Variants in DDX56 observed in about 807,000 individuals in gnomAD.
DDX56 encodes the protein DEAD-box helicase 56.
A neutral mutation model predicts 61.5 loss-of-function variants in DDX56; 45 were observed. The ratio of observed to expected loss-of-function variants is 0.73; its 90% CI spans 0.58 to 0.94. The LOEUF (loss-of-function observed/expected upper bound fraction) is 0.94, where lower values mean the gene tolerates loss of function less well. Among genes scored for constraint, DDX56 ranks in the 40% least tolerant of loss-of-function variants. The pLI is 0.00. For synonymous variants in DDX56, 273 were observed against 268.3 expected, an observed-to-expected ratio of 1.02 and a Z score of -0.17; for missense variants, 708 against 690.7, an observed-to-expected ratio of 1.02 and a Z score of -0.28.
At chr7:44,571,913 T>C (rs1414495728) in intron 5 of DDX56, among the ~76,000 whole-genome samples, 177 bp from the exon 6 acceptor site, 2 of 152,224 alleles carry the variant, frequency 1.3e-5, no homozygotes, top group African/African-American at 2.4e-5. Context: ...CCCTTATTGT[T>C]GTGGTATATA....
At chr7:44,568,296 G>A in intron 11 of DDX56, 73 bp from the exon 12 acceptor site, 1 of 1,093,788 alleles carries the variant, frequency 9.1e-7, no homozygotes, top group Non-Finnish European at 1.3e-6. Context: ...GCTTTTCAAA[G>A]GATAACACAC....
Sources: allele counts gnomAD v4.1 joint callset (sites outside exome capture counted in the v4.1 genomes callset), GRCh38; gene constraint gnomAD v4.1.1; transcripts MANE v1.5; gene names NCBI Gene and HGNC (gene_info 2026-07-23, HGNC 2026-07-21).